Variants in GLOD4 observed in about 807,000 individuals in gnomAD.
GLOD4 encodes the protein glyoxalase domain containing 4.
In GLOD4, 44 loss-of-function variants were observed where a neutral mutation model predicts 39.1. The observed-to-expected ratio is 1.13, with a 90% CI of 0.88 to 1.45. GLOD4 has a LOEUF of 1.45. Among genes scored for constraint, GLOD4 ranks in the 40% most tolerant of loss-of-function variants. The probability of loss-of-function intolerance (pLI) is 0.00; values close to 1 mark genes in which losing one functional copy is unlikely to be tolerated. For synonymous variants in GLOD4, 145 were observed against 135.0 expected (o/e 1.07, Z -0.52); for missense variants, 405 against 366.4 (o/e 1.11, Z -0.86).
At chr17:764,471 C>G (rs992933258) in intron 8 of GLOD4, 6 of 152,172 alleles carry the variant, frequency 3.9e-5, no homozygotes, top group African/African-American at 1.4e-4. Flanking sequence ...CTTTCTTATA[C>G]AGTAAAAGCA....
intron 8 of GLOD4, among the ~76,000 whole-genome samples, chr17:768,280 G>A (rs1907108090): frequency 6.7e-6 from 1 of 148,660 alleles, no homozygotes; most frequent in Non-Finnish European, 1.5e-5. Context: ...GGATGTGAGA[G>A]AGAGAAACAG....
At chr17:775,388 C>A (rs946453963) in intron 4 of GLOD4, among the ~76,000 whole-genome samples, 1 of 152,146 alleles carries the variant, frequency 6.6e-6, no homozygotes, top group African/African-American at 2.4e-5. Flanking sequence ...GAGAGGTACC[C>A]GCAGAGAACA....
chr17:782,342 G>A (rs370274918), upstream of GLOD4: 4 of 1,612,364 alleles, frequency 2.5e-6, no homozygotes, highest in African/African-American at 1.3e-5. Flanking sequence ...AGCCGCCGAC[G>A]GCGCGCTTTC....
intron 4 of GLOD4, among the ~76,000 whole-genome samples, chr17:772,770 AG>A (rs1480226281): frequency 6.6e-6 from 1 of 152,158 alleles, no homozygotes. Context: ...CTGAGGTGGC[AG>A]GATCATGAGG....
intron 4 of GLOD4, 56 bp from the exon 5 acceptor site, chr17:771,517 G>C: frequency 1.0e-6 from 1 of 1,004,256 alleles, no homozygotes; most frequent in South Asian, 1.7e-5. Context: ...AAAATAGAAA[G>C]ACCAAAACAT....
intron 4 of GLOD4, among the ~76,000 whole-genome samples, chr17:773,176 T>C (rs1354452720): frequency 6.6e-6 from 1 of 152,088 alleles, no homozygotes; most frequent in Non-Finnish European, 1.5e-5. Context: ...TTCTGGGCAA[T>C]AGTTTGATGG....
At chr17:782,041 G>A (rs1450074271) in intron 1 of GLOD4, 125 bp downstream of exon 1, 4 of 654,860 alleles carry the variant, frequency 6.1e-6, no homozygotes, top group East Asian at 2.8e-5. Context: ...CACCGCGCAG[G>A]GCCTAAGGTC....
intron 1 of GLOD4, among the ~76,000 whole-genome samples, chr17:780,932 T>C (rs1249857030): frequency 1.3e-5 from 2 of 150,418 alleles, no homozygotes; most frequent in Admixed American, 6.6e-5. Flanking sequence ...TTTTTTTTTT[T>C]TTTTTGAGAC....
intron 2 of GLOD4, chr17:778,369 A>G (rs764569211): frequency 3.6e-5 from 16 of 440,878 alleles, no homozygotes; most frequent in African/African-American, 2.8e-4. Flanking sequence ...GTCAGAATCA[A>G]TTAAATAACA....
Position 782,266 on chromosome 17 carries a change from G to A in GLOD4, c.-11C>T. 1.2e-6 allele frequency: 2 copies of A among 1,612,998 alleles called. No homozygotes were observed. The highest frequency in any genetic ancestry group is 1.7e-6 in the Non-Finnish European group (2 of 1,179,336). The stretch of plus-strand genomic sequence containing the variant: ...TCTGCGAGCAGCCATGATTCCCGCC[G>A]CACGCAGCCGTCACGCGCACCGTAC... On this transcript the variant is annotated 5_prime_UTR_variant, in exon 1 of 9. Coordinates refer to ENST00000301329, the MANE Select transcript of GLOD4 (RefSeq NM_016080.4).
At position 775,736 on chromosome 17, in the gene GLOD4, C is replaced by T. The variant is rs778212178; in HGVS notation, c.406+39G>A. 1.5e-5 allele frequency: 23 copies of T among 1,573,120 alleles called. No homozygotes were observed. The East Asian group carries it at 4.3e-4, about 29-fold the overall frequency. On this transcript the variant is annotated intron_variant, in intron 4 of 8. Transcript: ENST00000301329. ...CCTCACTCTCCTTTCACCAAAGATGCCTTTAGACAGAGGCTTTTACTGGTT... is the reference window on the plus strand; with the variant it reads ...CCTCACTCTCCTTTCACCAAAGATGTCTTTAGACAGAGGCTTTTACTGGTT...
chr17:767,553 G>A (rs967983498), intron 8 of GLOD4, among the ~76,000 whole-genome samples: 1 of 147,082 alleles, frequency 6.8e-6, no homozygotes, highest in African/African-American at 2.7e-5. Flanking sequence ...TGGAGAGGAC[G>A]TAAGAGAGAG....
intron 8 of GLOD4, chr17:764,581 A>G (rs1369138613): frequency 6.6e-6 from 1 of 152,206 alleles, no homozygotes; most frequent in African/African-American, 2.4e-5. Flanking sequence ...ATAGATTAAA[A>G]AATCTAGAAA....
chr17:776,362 C>G (rs1375642540), intron 3 of GLOD4, among the ~76,000 whole-genome samples: 1 of 152,200 alleles, frequency 6.6e-6, no homozygotes, highest in Admixed American at 6.5e-5. Flanking sequence ...GAAGACCAGC[C>G]TTGTTTCTGG....
At chr17:783,348 TC>T, upstream of GLOD4, 4 of 1,435,850 alleles carry the variant, frequency 2.8e-6, no homozygotes, top group East Asian at 2.5e-5. Flanking sequence ...ACCCAGTGTA[TC>T]TTTTTTTTTT....
At chr17:763,495 T>C (rs1393746934) in intron 8 of GLOD4, 1 of 152,226 alleles carries the variant, frequency 6.6e-6, no homozygotes, top group Non-Finnish European at 1.5e-5. Flanking sequence ...CACTCTAGCC[T>C]GGGCAACAGA....
In GLOD4 at chr17:771,333, C is replaced by T. The variant is rs2144377367; in HGVS notation, c.535G>A (p.Asp179Asn). ...EKQRALLGYADNQCKLELQGV... is the reference protein window; with the variant it reads ...EKQRALLGYANNQCKLELQGV... ...TCTCCAAGATTGCTCACCTGGTTAT[C>T]AGCATAGCCCAGCAAAGCCCTTTGC... The change falls in exon 5 of 9, where the codon GAT (aspartate) becomes AAT (asparagine). Residue 179 changes from aspartate to asparagine, a missense_variant. Coordinates refer to ENST00000301329, the MANE Select transcript of GLOD4 (RefSeq NM_016080.4). 6.3e-7 allele frequency: 1 copy of T among 1,583,986 alleles called. No individual in the cohort carries two copies. The highest frequency in any genetic ancestry group is 8.6e-7 in the Non-Finnish European group (1 of 1,167,664).
At chr17:785,670 T>G (rs1421977546), upstream of GLOD4, among the ~76,000 whole-genome samples, 1 of 152,196 alleles carries the variant, frequency 6.6e-6, no homozygotes, top group East Asian at 1.9e-4. Flanking sequence ...TTTTGCAGAG[T>G]ATGTCCCTAA....
At chr17:766,735 A>C (rs1489289631) in intron 8 of GLOD4, among the ~76,000 whole-genome samples, 1 of 151,878 alleles carries the variant, frequency 6.6e-6, no homozygotes, top group African/African-American at 2.4e-5. Context: ...CCCTGTCTCT[A>C]CTAAAAATAC....
Sources: gnomAD v4.1 joint callset for allele counts (sites outside exome capture counted in the v4.1 genomes callset) on GRCh38, gnomAD v4.1.1 for gene constraint, MANE v1.5 for transcripts, NCBI Gene and HGNC (gene_info 2026-07-23, HGNC 2026-07-21) for gene names.